BRD4: variants seen among roughly 807,000 people sequenced by gnomAD.
BRD4 encodes bromodomain-containing protein 4.
Under a neutral mutation model 142.1 loss-of-function variants are expected in BRD4, and 16 were observed. The ratio of observed to expected loss-of-function variants is 0.11; its 90% CI spans 0.08 to 0.17. The LOEUF (loss-of-function observed/expected upper bound fraction) is 0.17. Among genes scored for constraint, BRD4 ranks in the 10% least tolerant of loss-of-function variants. The pLI is 1.00. For missense variants in BRD4, 1,424 were observed against 1,810.9 expected (o/e 0.79, Z 3.88); for synonymous variants, 833 against 707.5 (o/e 1.18, Z -2.82).
chr19:15,238,471 CAGG>C lies in BRD4; in HGVS notation c.4021-29_4021-27del. ...CTGGAGGAGAAAGGAAGGAGGGAGTCAGGAGGATGACCTAGCCACCCTGCAGCT... is the reference window on the plus strand; with the variant it reads ...CTGGAGGAGAAAGGAAGGAGGGAGTCAGGATGACCTAGCCACCCTGCAGCT... On this transcript the variant is annotated intron_variant, in intron 19 of 19. Transcript: ENST00000679869. This position sits in a 1 kb window ranked among gnomAD's most constrained non-coding sequence, Gnocchi z 7.2. 3.7e-6 allele frequency: 6 copies of C among 1,613,728 alleles called. No individual in the cohort carries two copies. Among genetic ancestry groups the C allele is most frequent in the Non-Finnish European group, 5.1e-6 (6 of 1,179,894 alleles).
chr19:15,287,147 C>T (rs1297737321), intron 1 of BRD4, among the ~76,000 whole-genome samples: 1 of 152,032 alleles, frequency 6.6e-6, no homozygotes, highest in Non-Finnish European at 1.5e-5. Context: ...ATGGGGGAAA[C>T]ATATGGGAAA....
chr19:15,282,944 C>T (rs1320107298), intron 1 of BRD4, among the ~76,000 whole-genome samples: 2 of 151,910 alleles, frequency 1.3e-5, no homozygotes, highest in Admixed American at 6.6e-5. Flanking sequence ...CCAGCCTAGG[C>T]GACAGAGTAA....
Position 15,238,534 on chromosome 19 carries a change from C to T in BRD4, c.4021-89G>A, listed in dbSNP as rs2047211840. Reference sequence around the variant, plus strand: ...CATACCCGCTACCAGCAGTCAGCCCCGTAGCCCTCCCCGTGGCTGACCCCT... The same window carrying T: ...CATACCCGCTACCAGCAGTCAGCCCTGTAGCCCTCCCCGTGGCTGACCCCT... On this transcript the variant is annotated intron_variant, in intron 19 of 19. Transcript: ENST00000679869. This position sits in a 1 kb window ranked among gnomAD's most constrained non-coding sequence, Gnocchi z 7.2. 2.1e-5 allele frequency: 33 copies of T among 1,599,048 alleles called. 1 individual carries two copies. Among genetic ancestry groups the T allele is most frequent in the Admixed American group, 8.5e-5 (5 of 58,882 alleles).
intron 13 of BRD4, 57 bp downstream of exon 13, chr19:15,244,174 T>C: frequency 6.5e-7 from 1 of 1,535,324 alleles, no homozygotes; most frequent in Admixed American, 2.0e-5. Context: ...GGACACCACA[T>C]GGGTAAACCG....
intron 10 of BRD4, among the ~76,000 whole-genome samples, chr19:15,254,677 G>T (rs2047386601): frequency 6.6e-6 from 1 of 152,078 alleles, no homozygotes; most frequent in South Asian, 2.1e-4. Flanking sequence ...ACCCCCGGGG[G>T]TCTCTCAGCA....
At position 15,244,237 on chromosome 19, in the gene BRD4, G is replaced by T. The variant is rs1171140880; in HGVS notation, c.2575C>A (p.Pro859Thr). The change falls in exon 13 of 20, where the codon CCT (proline) becomes ACT (threonine). Residue 859 changes from proline (P) to threonine (T), a missense_variant. By Grantham distance (38) the Pro-to-Thr change is conservative. This residue lies in a region of BRD4 where 598 missense variants were observed against 647.8 expected (regional missense o/e 0.92). Transcript: ENST00000679869. ...PHLNQHAVVS[P>T]PALHNALPQQ... ...GGGGCAGGCCACGGCTCACCTGGAGGAGAGACCACTGCGTGCTGGTTGAGA... is the reference window on the plus strand; with the variant it reads ...GGGGCAGGCCACGGCTCACCTGGAGTAGAGACCACTGCGTGCTGGTTGAGA... The T allele has an allele frequency of 6.4e-7, 1 of 1,563,698 alleles. No individual in the cohort carries two copies. The highest frequency in any genetic ancestry group is 1.2e-5 in the South Asian group (1 of 85,298).
At chr19:15,323,806 G>C (rs2048085159) in intron 1 of BRD4, among the ~76,000 whole-genome samples, 1 of 152,148 alleles carries the variant, frequency 6.6e-6, no homozygotes, top group South Asian at 2.1e-4. Context: ...CACATACTAA[G>C]TAGGAAGGGC....
At chr19:15,307,465 C>T (rs1199699802) in intron 1 of BRD4, among the ~76,000 whole-genome samples, 1 of 152,186 alleles carries the variant, frequency 6.6e-6, no homozygotes, top group African/African-American at 2.4e-5. Flanking sequence ...TACCACTAGT[C>T]ACAGTGGTAC....
rs1453839949 is a variant in BRD4 at position 15,255,948 on chromosome 19, TGCAGAGGG to T, written c.1751+108_1751+115del. 1.6e-5 allele frequency: 22 copies of T among 1,389,000 alleles called. No homozygotes were observed. In the South Asian group the frequency reaches 1.7e-4, roughly 10 times the overall value. The allele number at this position is 1,389,000 out of a possible 1,614,324, so 86.0% of individuals were successfully genotyped here. On this transcript the variant is annotated intron_variant, in intron 9 of 19. Transcript: ENST00000679869. ...CCAGCCTGGCCTGTGAAGCCACGGCTGCAGAGGGGCAGCCTCCGCACCCAATGAGGACA... is the reference window on the plus strand; with the variant it reads ...CCAGCCTGGCCTGTGAAGCCACGGCTGCAGCCTCCGCACCCAATGAGGACA...
chr19:15,236,762 C>G lies in BRD4; in HGVS notation c.*1615G>C, dbSNP rs1469030039. 1 of 175,914 alleles carries G rather than the reference C, an allele frequency of 5.7e-6. No homozygotes were observed. The highest frequency in any genetic ancestry group is 6.4e-5 in the Admixed American group (1 of 15,726). 10.9% of individuals were successfully genotyped at this position (175,914 alleles called of 1,614,324 possible). A position where few individuals can be genotyped will look rare whatever the true frequency, so the allele number is the denominator to read the frequency against. ...GCAGTAGTTCCTGTACAGAGGTGGT[C>G]TGGGGTCCAGGGGGTCCCCTGGGCC... On this transcript the variant is annotated 3_prime_UTR_variant, in exon 20 of 20. Coordinates refer to ENST00000679869, the MANE Select transcript of BRD4 (RefSeq NM_001379291.1).
At chr19:15,303,808 T>C (rs1351207787) in intron 1 of BRD4, among the ~76,000 whole-genome samples, 1 of 152,182 alleles carries the variant, frequency 6.6e-6, no homozygotes, top group Non-Finnish European at 1.5e-5. Flanking sequence ...ACTGTTTCTG[T>C]CAGGATGTTT....
chr19:15,278,105 CAAAAAAAAAAAAAAAAAAAAAAAAA>C (rs59204229), intron 1 of BRD4, among the ~76,000 whole-genome samples: 5 of 55,028 alleles, frequency 9.1e-5, no homozygotes, highest in African/African-American at 3.4e-4. Flanking sequence ...GACTCCGTCT[CAAAAAAAAAAAAAAAAAAAAAAAAA>C]AAAAAAAAAA....
intron 6 of BRD4, chr19:15,264,134 C>T (rs1489688805): frequency 2.4e-6 from 1 of 413,268 alleles, no homozygotes; most frequent in Non-Finnish European, 4.3e-6. Context: ...CACTGGGCCC[C>T]CAAGGCCAGA....
intron 1 of BRD4, among the ~76,000 whole-genome samples, chr19:15,314,579 T>C (rs1172858321): frequency 2.6e-5 from 4 of 152,162 alleles, no homozygotes; most frequent in East Asian, 1.9e-4. Context: ...AGATCCACCC[T>C]TGCATTCCAG....
intron 1 of BRD4, among the ~76,000 whole-genome samples, chr19:15,330,610 T>C (rs768584607): frequency 5.3e-5 from 8 of 151,934 alleles, no homozygotes; most frequent in African/African-American, 9.7e-5. Flanking sequence ...CTCCTAAAAA[T>C]GCAAAAATTA....
At chr19:15,277,720 G>A (rs998938138) in intron 1 of BRD4, among the ~76,000 whole-genome samples, 1 of 151,946 alleles carries the variant, frequency 6.6e-6, no homozygotes, top group African/African-American at 2.4e-5. Context: ...AACCCAGGAG[G>A]TGGAGGTTGC....
intron 1 of BRD4, among the ~76,000 whole-genome samples, chr19:15,307,633 A>T (rs981397859): frequency 6.6e-6 from 1 of 152,192 alleles, no homozygotes; most frequent in African/African-American, 2.4e-5. Flanking sequence ...AAAGGAAAAA[A>T]GCCTGGGCGC....
At chr19:15,268,879 G>A (rs1355084584) in intron 3 of BRD4, 26 bp downstream of exon 3, 1 of 1,613,098 alleles carries the variant, frequency 6.2e-7, no homozygotes, top group East Asian at 2.2e-5. Flanking sequence ...CCCCAGGGCA[G>A]CTGGACACCC....
At chr19:15,258,376 C>T (rs781376955) in intron 7 of BRD4, among the ~76,000 whole-genome samples, 2 of 152,112 alleles carry the variant, frequency 1.3e-5, no homozygotes, top group Non-Finnish European at 2.9e-5. Flanking sequence ...AGTGCAGTGG[C>T]GCAATCTCAG....
Sources: allele counts gnomAD v4.1 joint callset (sites outside exome capture counted in the v4.1 genomes callset), GRCh38; gene constraint gnomAD v4.1.1; regional missense constraint gnomAD v4.1.1; non-coding constraint Gnocchi (gnomAD v3.1); transcripts MANE v1.5; gene names NCBI Gene and HGNC (gene_info 2026-07-23, HGNC 2026-07-21).